Variants in AGBL3 observed in about 807,000 individuals in gnomAD.
AGBL3 encodes AGBL carboxypeptidase 3.
Under a neutral mutation model 94.5 loss-of-function variants are expected in AGBL3, and 68 were observed. The observed-to-expected ratio is 0.72, with a 90% CI of 0.59 to 0.88. The LOEUF (loss-of-function observed/expected upper bound fraction) is 0.88. Ranked by LOEUF, AGBL3 falls within the 40% of genes least tolerant of loss-of-function variation. The pLI is 0.00. For missense variants in AGBL3, 934 were observed against 1,103.8 expected (o/e 0.85, Z 2.18); for synonymous variants, 354 against 370.7 (o/e 0.95, Z 0.52).
intron 4 of AGBL3, chr7:135,012,113 T>G (rs1813230131): frequency 6.6e-6 from 1 of 152,188 alleles, no homozygotes; most frequent in African/African-American, 2.4e-5. Flanking sequence ...CAATGTGGAT[T>G]GATTTCATGA....
Position 135,032,844 on chromosome 7 carries a change from C to T in AGBL3, c.419C>T (p.Ala140Val). 1 of 1,545,334 alleles carries T rather than the reference C, an allele frequency of 6.5e-7. No individual in the cohort carries two copies. Among genetic ancestry groups the T allele is most frequent in the Non-Finnish European group, 8.7e-7 (1 of 1,144,644 alleles). The change falls in exon 6 of 17, where the codon GCT becomes GTT. Residue 140 changes from alanine (A) to valine (V), a missense_variant and splice_region_variant. Ala to Val is a moderately conservative substitution (Grantham distance 64). Around this residue, in one of 3 missense-constraint regions of AGBL3, gnomAD observed 488 missense variants for 563.6 expected, o/e 0.87. Transcript: ENST00000436302. Reference sequence around the variant, plus strand: ...CTTTATGATCTTCTTCTCTCATCAGCTTACAAAGAGCCCTGTTTTGTGTAT... The same window carrying T: ...CTTTATGATCTTCTTCTCTCATCAGTTTACAAAGAGCCCTGTTTTGTGTAT... ...EATVVYLAED[A>V]YKEPCFVYSR... is the part of the protein sequence containing the mutation.
Position 135,094,459 on chromosome 7 carries a change from G to A in AGBL3, c.2110+12669G>A, listed in dbSNP as rs1165815484. ...TAACAAATTGCCAGAGGCTGAGTGCGCACTAGCTTGAAAGTGAGAAACTCC... is the reference window on the plus strand; with the variant it reads ...TAACAAATTGCCAGAGGCTGAGTGCACACTAGCTTGAAAGTGAGAAACTCC... On this transcript the variant is annotated intron_variant, in intron 15 of 16. Transcript: ENST00000436302. The A allele has an allele frequency of 3.5e-5, 16 of 456,668 alleles. 1 individual carries two copies. Among genetic ancestry groups the A allele is most frequent in the East Asian group, 6.9e-5 (1 of 14,396 alleles). The allele number at this position is 456,668 out of a possible 1,614,324, so 28.3% of individuals were successfully genotyped here. A position where few individuals can be genotyped will look rare whatever the true frequency, so the allele number is the denominator to read the frequency against.
intron 4 of AGBL3, among the ~76,000 whole-genome samples, chr7:135,001,607 C>T (rs887376843): frequency 2.6e-5 from 4 of 152,160 alleles, no homozygotes; most frequent in Admixed American, 1.3e-4. Context: ...ACCTTTGATC[C>T]CATCAGTGTC....
chr7:135,033,070 T>C (rs1815938843), intron 6 of AGBL3, 88 bp downstream of exon 6: 1 of 1,291,248 alleles, frequency 7.7e-7, no homozygotes, highest in African/African-American at 1.5e-5. Context: ...GTATCCATTA[T>C]GAAACTGTAA....
At chr7:135,024,603 C>T (rs556843767) in intron 5 of AGBL3, among the ~76,000 whole-genome samples, 1 of 152,284 alleles carries the variant, frequency 6.6e-6, no homozygotes, top group African/African-American at 2.4e-5. Context: ...CCCTTTACCT[C>T]CAAATGAGCA....
chr7:135,036,360 T>G (rs1417150214), intron 7 of AGBL3, among the ~76,000 whole-genome samples: 1 of 12,754 alleles, frequency 7.8e-5, no homozygotes, highest in Admixed American at 1.6e-3. Flanking sequence ...TTCAGGAATG[T>G]GTAATTTTTT....
chr7:135,080,142 A>G (rs912904726), intron 13 of AGBL3, 61 bp from the exon 14 acceptor site: 8 of 1,230,940 alleles, frequency 6.5e-6, no homozygotes, highest in Admixed American at 2.0e-5. Flanking sequence ...TCATATAGGA[A>G]ATATACCCCA....
intron 5 of AGBL3, among the ~76,000 whole-genome samples, chr7:135,018,288 A>G (rs1814036915): frequency 6.6e-6 from 1 of 152,226 alleles, no homozygotes; most frequent in Admixed American, 6.5e-5. Context: ...ACAACTGCCA[A>G]CCTGTGGCAC....
At chr7:135,079,453 T>G (rs965125211) in intron 13 of AGBL3, among the ~76,000 whole-genome samples, 1 of 152,048 alleles carries the variant, frequency 6.6e-6, no homozygotes, top group Non-Finnish European at 1.5e-5. Context: ...CTACTTTTAT[T>G]GTGGGTTGTT....
At chr7:135,047,858 G>A (rs2116587121) in intron 11 of AGBL3, among the ~76,000 whole-genome samples, 2 of 151,900 alleles carry the variant, frequency 1.3e-5, no homozygotes, top group South Asian at 4.2e-4. Flanking sequence ...TTGTACAGAA[G>A]CGTTTTAGTT....
intron 4 of AGBL3, chr7:135,011,502 A>C (rs952605919): frequency 7.1e-6 from 1 of 141,258 alleles, no homozygotes; most frequent in Non-Finnish European, 1.6e-5. Flanking sequence ...TAATATTTGC[A>C]ATACATAACT....
rs140810958 is a variant in AGBL3 at position 135,066,856 on chromosome 7, G to T, written c.1908+7621G>T. Among the ~76,000 whole-genome samples the T allele has an allele frequency of 6.1e-3, 924 of 152,302 alleles. 19 individuals are homozygous for T. Among genetic ancestry groups the T allele is most frequent in the Non-Finnish European group, 4.2e-3 (283 of 68,024 alleles). On this transcript the variant is annotated intron_variant, in intron 12 of 16. Transcript: ENST00000436302. ...TTCAGCATTTCCAACTGAGGTACAG[G>T]GTTCATCTCAATGGGGATGTCGGAC...
intron 5 of AGBL3, 82 bp from the exon 6 acceptor site, chr7:135,032,762 A>C (rs1815903379): frequency 7.7e-7 from 1 of 1,293,944 alleles, no homozygotes. Flanking sequence ...TTACACTTGT[A>C]CTATTGCTCC....
At chr7:135,076,310 T>C in intron 12 of AGBL3, 87 bp from the exon 13 acceptor site, 1 of 1,020,980 alleles carries the variant, frequency 9.8e-7, no homozygotes, top group Admixed American at 2.3e-5. Context: ...TTCTTAGAAG[T>C]GGGAATCTCG....
chr7:135,039,391 A>C (rs1816620957), intron 8 of AGBL3, among the ~76,000 whole-genome samples: 1 of 151,908 alleles, frequency 6.6e-6, no homozygotes, highest in African/African-American at 2.4e-5. Context: ...TATGAAATTC[A>C]GCTAAATAGT....
At chr7:135,054,399 G>A (rs963871257) in intron 11 of AGBL3, among the ~76,000 whole-genome samples, 1 of 152,230 alleles carries the variant, frequency 6.6e-6, no homozygotes, top group South Asian at 2.1e-4. Flanking sequence ...GAAGCATTGT[G>A]TTTCAAAATA....
intron 16 of AGBL3, among the ~76,000 whole-genome samples, chr7:135,122,281 G>A (rs1160247057): frequency 6.6e-6 from 1 of 152,228 alleles, no homozygotes; most frequent in Admixed American, 6.5e-5. Flanking sequence ...TGTGGCCAGA[G>A]TGCCTCTTCA....
intron 5 of AGBL3, among the ~76,000 whole-genome samples, chr7:135,030,158 T>TAAAAAAAAAAAAAAAA (rs74392929): frequency 8.5e-6 from 1 of 117,424 alleles, no homozygotes; most frequent in Non-Finnish European, 1.8e-5. Context: ...TTTAATTTGT[T>TAAAAAAAAAAAAAAAA]AAAAAAAAAA....
At position 135,072,181 on chromosome 7, in the gene AGBL3, C is replaced by T. The variant is rs560135778; in HGVS notation, c.1909-4216C>T. On this transcript the variant is annotated intron_variant, in intron 12 of 16. Transcript: ENST00000436302. ...GAAAAAAATGCTCATCATCACTGGC[C>T]ATCAGAGAAAGGCAAATCAAAACCG... Among the ~76,000 whole-genome samples, 15 of 152,276 alleles carry T rather than the reference C, an allele frequency of 9.9e-5. No homozygotes were observed. The South Asian group carries it at 3.1e-3, about 32-fold the overall frequency.
Sources: gnomAD v4.1 joint callset for allele counts (sites outside exome capture counted in the v4.1 genomes callset) on GRCh38, gnomAD v4.1.1 for gene constraint, gnomAD v4.1.1 regional missense constraint, MANE v1.5 for transcripts, NCBI Gene and HGNC (gene_info 2026-07-23, HGNC 2026-07-21) for gene names.